The following PCBP4 variants were observed in gnomAD, a reference collection of about 807,000 sequenced individuals.
PCBP4 encodes poly(rC) binding protein 4.
In PCBP4, 24 loss-of-function variants were observed where a neutral mutation model predicts 46.2. The ratio of observed to expected loss-of-function variants is 0.52; its 90% CI spans 0.38 to 0.73. The LOEUF (loss-of-function observed/expected upper bound fraction) is 0.73. PCBP4 is among the 30% of genes least tolerant of loss of function. The pLI is 0.00. For synonymous variants in PCBP4, 203 were observed against 224.4 expected, an observed-to-expected ratio of 0.90 and a Z score of 0.85; for missense variants, 407 against 537.0, an observed-to-expected ratio of 0.76 and a Z score of 2.39.
intron 1 of PCBP4, among the ~76,000 whole-genome samples, chr3:51,966,811 C>A (rs1700453328): frequency 6.6e-6 from 1 of 151,728 alleles, no homozygotes; most frequent in Non-Finnish European, 1.5e-5. Context: ...CACCCCCACC[C>A]CCCAGGACCC....
chr3:51,961,802 G>T (rs561334479), intron 2 of PCBP4, 139 bp downstream of exon 2: 75 of 983,874 alleles, frequency 7.6e-5, no homozygotes, highest in Admixed American at 5.4e-4. Context: ...GAGCACAGAA[G>T]AGCAGCTGGG....
intron 1 of PCBP4, among the ~76,000 whole-genome samples, chr3:51,965,837 T>TG (rs780970550): frequency 8.0e-5 from 12 of 150,234 alleles, no homozygotes; most frequent in Non-Finnish European, 1.6e-4. Flanking sequence ...GCTGCTGGGG[T>TG]GGGGGATTTG....
At position 51,960,267 on chromosome 3, in the gene PCBP4, G is replaced by A. The variant is rs755532537; in HGVS notation, c.309C>T (p.Thr103=). 4.3e-6 allele frequency: 7 copies of A among 1,613,950 alleles called. No individual in the cohort carries two copies. The South Asian group carries it at 5.5e-5, about 13-fold the overall frequency. Residue 103 remains threonine (T), a synonymous_variant, in exon 7 of 14, where the codon ACC becomes ACT. Coordinates refer to ENST00000461554, the MANE Select transcript of PCBP4 (RefSeq NM_001174100.2). The surrounding 1 kb of genome is among the most constrained non-coding windows in gnomAD (Gnocchi z 5.0). The part of the protein sequence containing the change: ...NGGNVSRPPV[T]LRLVIPASQC... The stretch of plus-strand genomic sequence containing the variant: ...GACTGGCAGGGATGACAAGGCGCAG[G>A]GTCACTGGAGGCCTGGAGACATTTC...
At position 51,959,006 on chromosome 3, in the gene PCBP4, G is replaced by C. The variant is rs372020508; in HGVS notation, c.753+41C>G. ...GCCCTGGGTGAGGTCCAGACCCCCA[G>C]ACCCCCTACCCACCCTCCAGCCATC... is the stretch of plus-strand genomic sequence containing the variant. On this transcript the variant is annotated intron_variant, in intron 12 of 13. Transcript: ENST00000461554. The surrounding 1 kb of genome is among the most constrained non-coding windows in gnomAD (Gnocchi z 5.6). 12 of 1,613,392 alleles carry C rather than the reference G, an allele frequency of 7.4e-6. No homozygotes were observed. The highest frequency in any genetic ancestry group is 1.1e-5 in the South Asian group (1 of 91,004).
chr3:51,964,872 G>C (rs1361993001), intron 1 of PCBP4, among the ~76,000 whole-genome samples: 3 of 152,216 alleles, frequency 2.0e-5, no homozygotes, highest in Non-Finnish European at 4.4e-5. Context: ...CCTCAGGTGA[G>C]CATCCTGGGG....
At position 51,958,404 on chromosome 3, in the gene PCBP4, G is replaced by A. The variant is rs1247938079; in HGVS notation, c.924-55C>T. ...AGGGGAAAGTGGGAGTGAGAGAGGG[G>A]CAATGAGGGCAGAGATGGGCATGAG... On this transcript the variant is annotated intron_variant, in intron 13 of 13. Transcript: ENST00000461554. The surrounding 1 kb of genome is among the most constrained non-coding windows in gnomAD (Gnocchi z 5.4). The A allele has an allele frequency of 8.2e-7, 1 of 1,224,620 alleles. No homozygotes were observed. 75.9% of individuals were successfully genotyped at this position (1,224,620 alleles called of 1,614,324 possible).
intron 2 of PCBP4, 55 bp from the exon 3 acceptor site, chr3:51,961,359 G>A: frequency 6.8e-7 from 1 of 1,474,754 alleles, no homozygotes; most frequent in East Asian, 2.5e-5. Context: ...CCCTGCCCCT[G>A]CCCTTACATG....
intron 1 of PCBP4, among the ~76,000 whole-genome samples, chr3:51,966,700 T>A (rs1007849696): frequency 6.6e-6 from 1 of 151,982 alleles, no homozygotes; most frequent in Non-Finnish European, 1.5e-5. Context: ...GCCACAGGTC[T>A]CAAGATGGCG....
In PCBP4 at chr3:51,959,922, C is replaced by T. The variant is rs1254271368; in HGVS notation, c.489G>A (p.Val163=). 4 of 1,603,568 alleles carry T rather than the reference C, an allele frequency of 2.5e-6. No homozygotes were observed. The highest frequency in any genetic ancestry group is 3.4e-6 in the Non-Finnish European group (4 of 1,173,678). The part of the protein sequence containing the change: ...SGVPDAIILC[V]RQICAVILES... ...CCAGGATAACAGCGCAGATCTGGCGCACACACAGGATGATGGCATCAGGCA... is the reference window on the plus strand; with the variant it reads ...CCAGGATAACAGCGCAGATCTGGCGTACACACAGGATGATGGCATCAGGCA... The change falls in exon 8 of 14, where the codon GTG becomes GTA. Residue 163 remains valine, a synonymous_variant. Transcript: ENST00000461554. This position sits in a 1 kb window ranked among gnomAD's most constrained non-coding sequence, Gnocchi z 5.6.
chr3:51,961,376 C>T, intron 2 of PCBP4, 72 bp from the exon 3 acceptor site: 2 of 1,442,500 alleles, frequency 1.4e-6, no homozygotes, highest in Non-Finnish European at 1.8e-6. Flanking sequence ...CATGGGGACC[C>T]CAGAGCTGGG....
intron 1 of PCBP4, chr3:51,963,017 C>G (rs781103789): frequency 6.6e-6 from 1 of 152,316 alleles, no homozygotes; most frequent in African/African-American, 2.4e-5. Context: ...CTTGTGATGA[C>G]GTGCTTGGTT....
intron 1 of PCBP4, among the ~76,000 whole-genome samples, chr3:51,963,523 T>A (rs1277305831): frequency 6.6e-6 from 1 of 152,198 alleles, no homozygotes; most frequent in East Asian, 1.9e-4. Context: ...CCCCTTGGGA[T>A]GGTAACCAGT....
Position 51,958,067 on chromosome 3 carries a change from G to T in PCBP4, c.1206C>A (p.Pro402=). 1 of 1,549,378 alleles carries T rather than the reference G, an allele frequency of 6.5e-7. No individual in the cohort carries two copies. Among genetic ancestry groups the T allele is most frequent in the South Asian group, 1.2e-5 (1 of 80,266 alleles). The part of the protein sequence containing the change: ...SKKAERQKFS[P]Y Reference sequence around the variant, plus strand: ...GCCTGTACCTCAGCTGGCCTCAGTAGGGGGAGAATTTCTGCCGCTCAGCCT... The same window carrying T: ...GCCTGTACCTCAGCTGGCCTCAGTATGGGGAGAATTTCTGCCGCTCAGCCT... Residue 402 remains proline (P), a synonymous_variant, in exon 14 of 14, where the codon CCC becomes CCA. Transcript: ENST00000461554. The surrounding 1 kb of genome is among the most constrained non-coding windows in gnomAD (Gnocchi z 5.4).
chr3:51,960,422 C>A lies in PCBP4; in HGVS notation c.256-102G>T. ...CCAGTCCCACTTCAAGGGAACACTGCCCTGGGCTTGACCTCCCCTCCCACC... is the reference window on the plus strand; with the variant it reads ...CCAGTCCCACTTCAAGGGAACACTGACCTGGGCTTGACCTCCCCTCCCACC... On this transcript the variant is annotated intron_variant, in intron 6 of 13. Transcript: ENST00000461554. This position sits in a 1 kb window ranked among gnomAD's most constrained non-coding sequence, Gnocchi z 5.0. The A allele has an allele frequency of 6.4e-7, 1 of 1,570,236 alleles. No homozygotes were observed. Among genetic ancestry groups the A allele is most frequent in the Non-Finnish European group, 8.7e-7 (1 of 1,146,306 alleles).
chr3:51,959,239 G>A lies in PCBP4; in HGVS notation c.690C>T (p.Ser230=), dbSNP rs143089244. Residue 230 remains serine, a synonymous_variant, in exon 11 of 14, where the codon AGC becomes AGT. Transcript: ENST00000461554. This position sits in a 1 kb window ranked among gnomAD's most constrained non-coding sequence, Gnocchi z 5.6. ...GCAGGGGTGGCTTACCTGGCACCAC[G>A]CTGGGTGTGGCAAAGGGGACCGCAT... ...SSHAVPFATP[S]VVPGLDPGTQ... 109 of 1,613,958 alleles carry A rather than the reference G, an allele frequency of 6.8e-5. 1 individual carries two copies. The African/African-American group carries it at 1.2e-3, about 18-fold the overall frequency.
Position 51,961,324 on chromosome 3 carries a change from A to G in PCBP4, c.-64-20T>C. The stretch of plus-strand genomic sequence containing the variant: ...CCGGCTCTGGCAGGGGCAGCCAAAG[A>G]GGGGTTCGAGAGGAGCCCAGTCCAC... On this transcript the variant is annotated intron_variant, in intron 2 of 13. Coordinates refer to ENST00000461554, the MANE Select transcript of PCBP4 (RefSeq NM_001174100.2). 1.3e-6 allele frequency: 2 copies of G among 1,528,592 alleles called. No homozygotes were observed. The highest frequency in any genetic ancestry group is 1.8e-6 in the Non-Finnish European group (2 of 1,139,780). The allele number at this position is 1,528,592 out of a possible 1,614,324, so 94.7% of individuals were successfully genotyped here. A position where few individuals can be genotyped will look rare whatever the true frequency, so the allele number is the denominator to read the frequency against.
At chr3:51,962,895 GGAGAT>G (rs1405045535) in intron 1 of PCBP4, 1 of 152,284 alleles carries the variant, frequency 6.6e-6, no homozygotes, top group African/African-American at 2.4e-5. Context: ...TCCAGAGGCT[GGAGAT>G]GAGCAGTGGA....
chr3:51,961,476 G>A (rs1368139325), intron 2 of PCBP4, 172 bp from the exon 3 acceptor site: 5 of 788,504 alleles, frequency 6.3e-6, no homozygotes, highest in Non-Finnish European at 9.7e-6. Flanking sequence ...CTCACGAGCT[G>A]TGTAAGCCTG....
chr3:51,964,199 C>CG (rs747130157), intron 1 of PCBP4, among the ~76,000 whole-genome samples: 22 of 152,108 alleles, frequency 1.4e-4, no homozygotes, highest in South Asian at 2.1e-4. Context: ...CTGGAGGAGG[C>CG]GGGGGGGTGA....
Sources: gnomAD v4.1 joint callset for allele counts (sites outside exome capture counted in the v4.1 genomes callset) on GRCh38, gnomAD v4.1.1 for gene constraint, Gnocchi (gnomAD v3.1) non-coding constraint, MANE v1.5 for transcripts, NCBI Gene and HGNC (gene_info 2026-07-23, HGNC 2026-07-21) for gene names.